Variants in MARCHF5 observed in about 807,000 individuals in gnomAD.
MARCHF5 encodes E3 ubiquitin-protein ligase MARCHF5.
Under a neutral mutation model 36.5 loss-of-function variants are expected in MARCHF5, and 5 were observed. The observed-to-expected ratio is 0.14, with a 90% confidence interval of 0.07 to 0.29. The LOEUF (loss-of-function observed/expected upper bound fraction) is 0.29, where lower values mean the gene tolerates loss of function less well. Ranked by LOEUF, MARCHF5 falls within the 10% of genes least tolerant of loss-of-function variation. MARCHF5 has a pLI of 1.00. For synonymous variants in MARCHF5, 103 were observed against 109.9 expected, an observed-to-expected ratio of 0.94 and a Z score of 0.39; for missense variants, 179 against 336.3, an observed-to-expected ratio of 0.53 and a Z score of 3.66.
Position 92,295,310 on chromosome 10 carries a change from CTTTTCTTTTTTTTTTTT to C in MARCHF5, c.35+3786_35+3802del, listed in dbSNP as rs1169228068. On this transcript the variant is annotated intron_variant, in intron 1 of 5. Transcript: ENST00000358935. ...TTCAGGGTTTTTAAACTAGAGGCAA[CTTTTCTTTTTTTTTTTT>C]TTTTTTTTTTTTTGAGGCGAAGTCT... Among the ~76,000 whole-genome samples, 12 of 26,242 alleles carry C rather than the reference CTTTTCTTTTTTTTTTTT, an allele frequency of 4.6e-4. No individual in the cohort carries two copies. In the Admixed American group the frequency reaches 6.5e-3, roughly 14 times the overall value. 17.2% of individuals were successfully genotyped at this position (26,242 alleles called of 152,430 possible). A position where few individuals can be genotyped will look rare whatever the true frequency, so the allele number is the denominator to read the frequency against.
chr10:92,301,238 T>A (rs908626218), intron 1 of MARCHF5, among the ~76,000 whole-genome samples: 1 of 152,206 alleles, frequency 6.6e-6, no homozygotes, highest in Non-Finnish European at 1.5e-5. Context: ...AATATTTATA[T>A]GGCCCATTGG....
chr10:92,344,015 T>C (rs1319530081), intron 3 of MARCHF5, among the ~76,000 whole-genome samples: 1 of 152,202 alleles, frequency 6.6e-6, no homozygotes, highest in African/African-American at 2.4e-5. Flanking sequence ...ATACATTATA[T>C]AGATATATAT....
intron 2 of MARCHF5, among the ~76,000 whole-genome samples, chr10:92,332,204 A>G (rs1398750113): frequency 6.6e-6 from 1 of 151,918 alleles, no homozygotes; most frequent in Non-Finnish European, 1.5e-5. Context: ...TACCATTTCT[A>G]CAATAAAATA....
rs1843569574 is a variant in MARCHF5 at position 92,340,812 on chromosome 10, T to C, written c.369+9T>C. ...CAGTGACAGTGATGCAGGTTCACTA[T>C]TTTACCTATATAGTGATATTACTTG... is the stretch of plus-strand genomic sequence containing the variant. On this transcript the variant is annotated intron_variant, in intron 3 of 5. Transcript: ENST00000358935. 1 of 1,604,050 alleles carries C rather than the reference T, an allele frequency of 6.2e-7. No individual in the cohort carries two copies. The highest frequency in any genetic ancestry group is 2.2e-5 in the East Asian group (1 of 44,586).
In MARCHF5 at chr10:92,291,250, C is replaced by T. The variant is rs1842853805; in HGVS notation, c.-245C>T. ...GAACCTCGGGCCGACGGACGGGAAC[C>T]CGGGCCGCGATCGCCGCCTCCCCGC... is the stretch of plus-strand genomic sequence containing the variant. On this transcript the variant is annotated 5_prime_UTR_variant, in exon 1 of 6. Coordinates refer to ENST00000358935, the MANE Select transcript of MARCHF5 (RefSeq NM_017824.5). The T allele has an allele frequency of 3.7e-6, 2 of 541,466 alleles. No individual in the cohort carries two copies. The highest frequency in any genetic ancestry group is 2.3e-5 in the South Asian group (1 of 43,434). The allele number at this position is 541,466 out of a possible 1,614,324, so 33.5% of individuals were successfully genotyped here. A position where few individuals can be genotyped will look rare whatever the true frequency, so the allele number is the denominator to read the frequency against.
At chr10:92,313,093 A>T (rs1406444581) in intron 2 of MARCHF5, among the ~76,000 whole-genome samples, 2 of 152,042 alleles carry the variant, frequency 1.3e-5, no homozygotes, top group African/African-American at 4.8e-5. Flanking sequence ...AGTTAGCTGG[A>T]CATGGTGGCG....
chr10:92,317,895 C>T (rs983270119), intron 2 of MARCHF5, among the ~76,000 whole-genome samples: 1 of 151,754 alleles, frequency 6.6e-6, no homozygotes, highest in Non-Finnish European at 1.5e-5. Context: ...GGATTACAGG[C>T]ACACGCCACC....
At chr10:92,308,145 A>G (rs1198720600) in intron 1 of MARCHF5, among the ~76,000 whole-genome samples, 1 of 151,856 alleles carries the variant, frequency 6.6e-6, no homozygotes, top group Non-Finnish European at 1.5e-5. Flanking sequence ...GTTTCACCAT[A>G]TTAGCCAGGA....
intron 1 of MARCHF5, among the ~76,000 whole-genome samples, chr10:92,306,287 T>C (rs1843071919): frequency 6.6e-6 from 1 of 152,206 alleles, no homozygotes; most frequent in Admixed American, 6.5e-5. Flanking sequence ...GCAAAAGTTC[T>C]GAGGTTCACT....
At chr10:92,321,661 C>G (rs1444885298) in intron 2 of MARCHF5, among the ~76,000 whole-genome samples, 1 of 151,958 alleles carries the variant, frequency 6.6e-6, no homozygotes, top group East Asian at 1.9e-4. Flanking sequence ...AGCAGTGAAG[C>G]CATTTGGTCC....
chr10:92,337,121 C>CAA lies in MARCHF5; in HGVS notation c.239-3539_239-3538dup, dbSNP rs199761409. 6.7e-3 allele frequency among the ~76,000 whole-genome samples: 862 copies of CAA among 129,422 alleles called. 5 individuals carry two copies. The highest frequency in any genetic ancestry group is 1.0e-2 in the Non-Finnish European group (612 of 61,214). 84.9% of individuals were successfully genotyped at this position (129,422 alleles called of 152,430 possible). ...TGGGTGACAGAGTGAGACTCTGTCTCAAAAAAAAAAAAAAGAGGAAAACTG... is the reference window on the plus strand; with the variant it reads ...TGGGTGACAGAGTGAGACTCTGTCTCAAAAAAAAAAAAAAAAGAGGAAAACTG... On this transcript the variant is annotated intron_variant, in intron 2 of 5. Coordinates refer to ENST00000358935, the MANE Select transcript of MARCHF5 (RefSeq NM_017824.5).
chr10:92,348,897 T>A (rs1843686487), intron 3 of MARCHF5, among the ~76,000 whole-genome samples: 1 of 152,208 alleles, frequency 6.6e-6, no homozygotes, highest in Non-Finnish European at 1.5e-5. Flanking sequence ...GAAATGAGCT[T>A]TCAGGCCATC....
chr10:92,326,873 G>T (rs185265203), intron 2 of MARCHF5, among the ~76,000 whole-genome samples: 1 of 151,858 alleles, frequency 6.6e-6, no homozygotes, highest in African/African-American at 2.4e-5. Flanking sequence ...AAGACACGAG[G>T]TACAGTAGGA....
At chr10:92,320,220 AT>A (rs77133668) in intron 2 of MARCHF5, among the ~76,000 whole-genome samples, 99,772 of 150,334 alleles carry the variant, frequency 0.66, 34,409 homozygotes, top group African/African-American at 0.85. Flanking sequence ...AACCTGGCTA[AT>A]TTTTTTTTTA....
At chr10:92,327,164 AACTTTAAC>A (rs1843372197) in intron 2 of MARCHF5, among the ~76,000 whole-genome samples, 1 of 152,148 alleles carries the variant, frequency 6.6e-6, no homozygotes, top group Non-Finnish European at 1.5e-5. Flanking sequence ...CAGGGAAAAA[AACTTTAAC>A]ACTTTTACCA....
intron 1 of MARCHF5, among the ~76,000 whole-genome samples, chr10:92,301,494 G>A (rs1843011106): frequency 6.6e-6 from 1 of 152,202 alleles, no homozygotes; most frequent in African/African-American, 2.4e-5. Flanking sequence ...GCCTTGGCCA[G>A]ATCACTTAAC....
chr10:92,308,132 G>A (rs530083930), intron 1 of MARCHF5, among the ~76,000 whole-genome samples: 12 of 151,994 alleles, frequency 7.9e-5, no homozygotes, highest in East Asian at 3.9e-4. Context: ...TAGTAGAGAC[G>A]GAGTTTCACC....
intron 2 of MARCHF5, 147 bp from the exon 3 acceptor site, chr10:92,340,526 C>T: frequency 1.5e-6 from 1 of 646,650 alleles, no homozygotes; most frequent in Non-Finnish European, 2.5e-6. Context: ...GAGCTATGAT[C>T]ATGCCACTGC....
chr10:92,310,552 T>TAA (rs879686808), intron 1 of MARCHF5, among the ~76,000 whole-genome samples: 2 of 147,656 alleles, frequency 1.4e-5, no homozygotes, highest in Non-Finnish European at 3.0e-5. Context: ...ATTGCTATTC[T>TAA]AAAAAAAAAA....
Sources: gnomAD v4.1 joint callset for allele counts (sites outside exome capture counted in the v4.1 genomes callset) on GRCh38, gnomAD v4.1.1 for gene constraint, MANE v1.5 for transcripts, NCBI Gene and HGNC (gene_info 2026-07-23, HGNC 2026-07-21) for gene names.